ZNF836: variants seen among roughly 807,000 people sequenced by gnomAD.
ZNF836 encodes the protein zinc finger protein 836.
A neutral mutation model predicts 7.4 loss-of-function variants in ZNF836; 12 were observed. The ratio of observed to expected loss-of-function variants is 1.61; its 90% CI spans 1.03 to 2.61. The LOEUF is 2.61. Among genes scored for constraint, ZNF836 ranks in the 30% most tolerant of loss-of-function variants. The pLI is 0.00. For missense variants in ZNF836, 998 were observed against 1,126.2 expected, an observed-to-expected ratio of 0.89 and a Z score of 1.63; for synonymous variants, 365 against 382.6, an observed-to-expected ratio of 0.95 and a Z score of 0.54.
rs765460468 is a variant in ZNF836 at position 52,155,155 on chromosome 19, A to G, written c.2528T>C (p.Phe843Ser). 9.9e-6 allele frequency: 16 copies of G among 1,614,074 alleles called. No individual in the cohort carries two copies. The highest frequency in any genetic ancestry group is 1.4e-5 in the Non-Finnish European group (16 of 1,179,974). The change falls in exon 5 of 5, where the codon TTT (phenylalanine) becomes TCT (serine). Residue 843 changes from phenylalanine (F) to serine (S), a missense_variant. Phe to Ser is a radical substitution (Grantham distance 155, BLOSUM62 -2). Coordinates refer to ENST00000682614, the MANE Select transcript of ZNF836 (RefSeq NM_001102657.3). Reference sequence around the variant, plus strand: ...GTACACCAGCTTTGACCTTTCAATAAAAGCTTTACCACATTCATTACATTT... The same window carrying G: ...GTACACCAGCTTTGACCTTTCAATAGAAGCTTTACCACATTCATTACATTT... The part of the protein sequence containing the change: ...PYKCNECGKA[F>S]IERSKLVYHQ...
At chr19:52,167,933 G>C in intron 3 of ZNF836, 125 bp downstream of exon 3, 1 of 727,220 alleles carries the variant, frequency 1.4e-6, no homozygotes, top group Non-Finnish European at 2.4e-6. Flanking sequence ...CTGAGGGAAG[G>C]CATGGGTGAA....
intron 3 of ZNF836, among the ~76,000 whole-genome samples, chr19:52,166,232 C>T (rs983774165): frequency 2.0e-4 from 30 of 152,108 alleles, no homozygotes; most frequent in Admixed American, 4.6e-4. Flanking sequence ...CCTGGTGATC[C>T]GCCTGCCTCA....
intron 3 of ZNF836, among the ~76,000 whole-genome samples, chr19:52,163,943 GTGT>G (rs1370535039): frequency 2.0e-5 from 3 of 151,456 alleles, no homozygotes; most frequent in Non-Finnish European, 2.9e-5. Context: ...AATTGTGTGT[GTGT>G]TGTTGTTGTT....
chr19:52,169,932 G>A (rs913134617), intron 1 of ZNF836, 151 bp from the exon 2 acceptor site: 4 of 152,120 alleles, frequency 2.6e-5, no homozygotes, highest in Non-Finnish European at 4.4e-5. Context: ...ATGCTCTCTG[G>A]CTAAACAGAA....
At position 52,155,721 on chromosome 19, in the gene ZNF836, T is replaced by A; in HGVS notation, c.1962A>T (p.Ala654=). 1.9e-6 allele frequency: 3 copies of A among 1,614,162 alleles called. No homozygotes were observed. The highest frequency in any genetic ancestry group is 2.5e-6 in the Non-Finnish European group (3 of 1,179,992). ...GKVFSYYSCL[A]RHRKIHTGEK... Reference sequence around the variant, plus strand: ...CTCCGGTATGAATTTTCCGATGACGTGCTAGGCATGAGTAGTAACTGAAAA... The same window carrying A: ...CTCCGGTATGAATTTTCCGATGACGAGCTAGGCATGAGTAGTAACTGAAAA... The change falls in exon 5 of 5, where the codon GCA becomes GCT. Residue 654 remains alanine (A), a synonymous_variant. Transcript: ENST00000682614.
At chr19:52,166,564 T>A (rs1600143746) in intron 3 of ZNF836, among the ~76,000 whole-genome samples, 2 of 147,630 alleles carry the variant, frequency 1.4e-5, no homozygotes, top group Admixed American at 1.4e-4. Flanking sequence ...ATCTTCATGT[T>A]GTACCAACTT....
At chr19:52,166,578 T>C (rs1197039961) in intron 3 of ZNF836, among the ~76,000 whole-genome samples, 2 of 148,672 alleles carry the variant, frequency 1.3e-5, no homozygotes, top group South Asian at 4.2e-4. Flanking sequence ...CCAACTTCTT[T>C]TTTTTTTTTT....
rs752813836 is a variant in ZNF836, at chr19:52,155,402, A to T, written c.2281T>A (p.Ser761Thr). The T allele has an allele frequency of 6.2e-7, 1 of 1,613,836 alleles. No individual in the cohort carries two copies. The highest frequency in any genetic ancestry group is 1.1e-5 in the South Asian group (1 of 91,046). ...CGATGCCTTGCAAGGTTCGAAGTGG[A>T]ATTAAAGACCTGGCCACATTCAATA... ...KCIECGQVFNSTSNLARHRRI... is the reference protein window; with the variant it reads ...KCIECGQVFNTTSNLARHRRI... Residue 761 changes from serine to threonine, a missense_variant, in exon 5 of 5, where the codon TCC becomes ACC. Ser to Thr is a moderately conservative substitution (Grantham distance 58). Transcript: ENST00000682614.
Position 52,171,394 on chromosome 19 carries a change from G to T in ZNF836, c.-273C>A, listed in dbSNP as rs2089306816. 6.6e-6 allele frequency: 1 copy of T among 152,340 alleles called. No homozygotes were observed. Among genetic ancestry groups the T allele is most frequent in the Non-Finnish European group, 1.5e-5 (1 of 68,120 alleles). 9.4% of individuals were successfully genotyped at this position (152,340 alleles called of 1,614,324 possible). A position where few individuals can be genotyped will look rare whatever the true frequency, so the allele number is the denominator to read the frequency against. On this transcript the variant is annotated 5_prime_UTR_variant, in exon 1 of 5. Transcript: ENST00000682614. ...GTCCGTAGCGATCCCCAGGAAACGG[G>T]TATGGACAAGGGAAGACTGCCAAGT...
chr19:52,167,149 T>C (rs2089272099), intron 3 of ZNF836, among the ~76,000 whole-genome samples: 1 of 151,714 alleles, frequency 6.6e-6, no homozygotes, highest in Non-Finnish European at 1.5e-5. Flanking sequence ...GCTAAAAGAA[T>C]CTGACATTCA....
rs1260465639 is a variant in ZNF836, at chr19:52,156,277, G to C, written c.1406C>G (p.Pro469Arg). Residue 469 changes from proline to arginine, a missense_variant, in exon 5 of 5, where the codon CCT becomes CGT. By Grantham distance (103) the Pro-to-Arg change is moderately radical. Transcript: ENST00000682614. The stretch of plus-strand genomic sequence containing the variant: ...CTTGCCACATTCATTGCATTTGTAA[G>C]GTTTCTCTCCAGTATGACTTCTCTG... ...RHQRSHTGEK[P>R]YKCNECGKVF... The C allele has an allele frequency of 3.1e-6, 5 of 1,614,218 alleles. No homozygotes were observed. Among genetic ancestry groups the C allele is most frequent in the South Asian group, 1.1e-5 (1 of 91,084 alleles).
intron 3 of ZNF836, among the ~76,000 whole-genome samples, chr19:52,167,345 G>A (rs1395032141): frequency 2.6e-5 from 4 of 151,622 alleles, no homozygotes; most frequent in Admixed American, 6.6e-5. Context: ...GGTGGCGCAT[G>A]CCTGTAATCC....
At chr19:52,166,861 G>A (rs977882681) in intron 3 of ZNF836, among the ~76,000 whole-genome samples, 5 of 151,662 alleles carry the variant, frequency 3.3e-5, no homozygotes, top group African/African-American at 1.2e-4. Context: ...TTACAGGCGT[G>A]AGCCACCGCG....
intron 4 of ZNF836, 130 bp downstream of exon 4, chr19:52,160,335 G>T: frequency 1.7e-6 from 2 of 1,148,922 alleles, no homozygotes; most frequent in South Asian, 1.4e-5. Flanking sequence ...GCATTATGAA[G>T]CTTTTTATTT....
At chr19:52,164,031 A>AGAAGGAAG (rs1042875086) in intron 3 of ZNF836, among the ~76,000 whole-genome samples, 2 of 143,630 alleles carry the variant, frequency 1.4e-5, no homozygotes, top group Non-Finnish European at 3.1e-5. Context: ...GAAAAGAAAA[A>AGAAGGAAG]GAAGGAAGGA....
At chr19:52,157,862 C>G (rs1242135236) in intron 4 of ZNF836, among the ~76,000 whole-genome samples, 3 of 152,038 alleles carry the variant, frequency 2.0e-5, no homozygotes, top group Non-Finnish European at 4.4e-5. Flanking sequence ...AGCCACTGCG[C>G]CTGGCCGAAC....
In ZNF836 at chr19:52,155,889, T is replaced by C; in HGVS notation, c.1794A>G (p.Ala598=). The change falls in exon 5 of 5, where the codon GCA becomes GCG. Residue 598 remains alanine, a synonymous_variant. Transcript: ENST00000682614. ...GTVFRNYSCL[A]RHLRIHTGQK... is the part of the protein sequence containing the mutation. ...GCCCAGTATGAATTCTTAGATGACG[T>C]GCTAGGCATGAGTAGTTCCTGAAGA... 1 of 1,614,012 alleles carries C rather than the reference T, an allele frequency of 6.2e-7. No homozygotes were observed. The highest frequency in any genetic ancestry group is 8.5e-7 in the Non-Finnish European group (1 of 1,179,906).
intron 3 of ZNF836, among the ~76,000 whole-genome samples, chr19:52,164,866 T>C (rs1600142907): frequency 1.3e-5 from 2 of 152,192 alleles, no homozygotes; most frequent in Admixed American, 6.5e-5. Context: ...GGCAAGCGGA[T>C]GACTTGAGTT....
At chr19:52,165,517 G>A (rs1019546624) in intron 3 of ZNF836, 2 of 152,186 alleles carry the variant, frequency 1.3e-5, no homozygotes, top group Admixed American at 1.3e-4. Context: ...ATCTCATAAT[G>A]ACGTGTAAAT....
Sources: allele counts gnomAD v4.1 joint callset (sites outside exome capture counted in the v4.1 genomes callset), GRCh38; gene constraint gnomAD v4.1.1; transcripts MANE v1.5; gene names NCBI Gene and HGNC (gene_info 2026-07-23, HGNC 2026-07-21).